Variants in ERBB4 observed in about 807,000 individuals in gnomAD.
ERBB4 encodes the protein erb-b2 receptor tyrosine kinase 4.
Under a neutral mutation model 158.0 loss-of-function variants are expected in ERBB4, and 42 were observed. That is an observed-to-expected ratio of 0.27 (90% CI 0.21 to 0.34). The LOEUF is 0.34. Ranked by LOEUF, ERBB4 falls within the 10% of genes least tolerant of loss-of-function variation. The pLI is 1.00. For synonymous variants in ERBB4, 583 were observed against 558.7 expected, an observed-to-expected ratio of 1.04 and a Z score of -0.61; for missense variants, 1,333 against 1,624.1, an observed-to-expected ratio of 0.82 and a Z score of 3.08.
intron 20 of ERBB4, among the ~76,000 whole-genome samples, chr2:211,442,595 TA>T (rs1439992163): frequency 6.6e-6 from 1 of 151,896 alleles, no homozygotes; most frequent in Non-Finnish European, 1.5e-5. Flanking sequence ...AGAGAGTAGA[TA>T]AAGCACAAAG....
intron 3 of ERBB4, among the ~76,000 whole-genome samples, chr2:211,800,606 G>A (rs1217144726): frequency 1.3e-5 from 2 of 148,264 alleles, no homozygotes; most frequent in Non-Finnish European, 3.0e-5. Flanking sequence ...TTATGGAGTT[G>A]AAAGGTAAAA....
chr2:212,416,166 G>A (rs185025719), intron 1 of ERBB4, among the ~76,000 whole-genome samples: 3 of 152,212 alleles, frequency 2.0e-5, no homozygotes, highest in Admixed American at 2.0e-4. Flanking sequence ...GCATCTTTCT[G>A]TACAAACTAA....
intron 4 of ERBB4, among the ~76,000 whole-genome samples, chr2:211,776,758 T>A (rs898746919): frequency 6.6e-6 from 1 of 152,206 alleles, no homozygotes; most frequent in Non-Finnish European, 1.5e-5. Context: ...GGATGACTCA[T>A]AATTTGAATA....
chr2:211,391,732 A>T (rs2062803556), intron 25 of ERBB4, among the ~76,000 whole-genome samples: 1 of 152,212 alleles, frequency 6.6e-6, no homozygotes, highest in South Asian at 2.1e-4. Flanking sequence ...AATGATAAAT[A>T]TTAGAACCTT....
chr2:212,038,922 G>A (rs993744191), intron 2 of ERBB4, among the ~76,000 whole-genome samples: 10 of 152,108 alleles, frequency 6.6e-5, no homozygotes, highest in African/African-American at 2.4e-4. Context: ...ATGTGTGTTT[G>A]TGAGTGTTTA....
At chr2:212,399,089 C>T (rs1227501513) in intron 1 of ERBB4, among the ~76,000 whole-genome samples, 1 of 151,848 alleles carries the variant, frequency 6.6e-6, no homozygotes, top group Non-Finnish European at 1.5e-5. Flanking sequence ...ACTAAAGATG[C>T]CCACCACCAC....
intron 9 of ERBB4, among the ~76,000 whole-genome samples, chr2:211,709,303 A>G (rs888903616): frequency 4.1e-5 from 6 of 145,700 alleles, no homozygotes; most frequent in African/African-American, 1.3e-4. Context: ...ATATATATAT[A>G]TGAGAGAGAG....
At chr2:211,398,045 A>G (rs2062957685) in intron 25 of ERBB4, among the ~76,000 whole-genome samples, 1 of 152,202 alleles carries the variant, frequency 6.6e-6, no homozygotes, top group Admixed American at 6.5e-5. Context: ...GATCTGTTTC[A>G]CAGCATTTCA....
At chr2:211,469,042 G>A (rs986589509) in intron 20 of ERBB4, among the ~76,000 whole-genome samples, 1 of 152,010 alleles carries the variant, frequency 6.6e-6, no homozygotes, top group Non-Finnish European at 1.5e-5. Flanking sequence ...GCTGCGTGCA[G>A]AAGTCTGGAA....
intron 1 of ERBB4, among the ~76,000 whole-genome samples, chr2:212,264,191 T>C (rs1046096380): frequency 2.0e-5 from 3 of 152,146 alleles, no homozygotes; most frequent in African/African-American, 7.2e-5. Flanking sequence ...AATATTTGCA[T>C]TCCTGTTAGC....
intron 1 of ERBB4, among the ~76,000 whole-genome samples, chr2:212,387,783 T>G (rs1227876443): frequency 6.6e-6 from 1 of 152,156 alleles, no homozygotes; most frequent in Non-Finnish European, 1.5e-5. Context: ...TGTGAGAGAA[T>G]TAAGTGTTAT....
chr2:211,900,480 GA>G (rs952124218), intron 3 of ERBB4, among the ~76,000 whole-genome samples: 4 of 149,450 alleles, frequency 2.7e-5, no homozygotes, highest in South Asian at 2.1e-4. Context: ...TACAAACCTA[GA>G]AAAAAAAAGG....
chr2:212,185,149 T>C (rs914411551), intron 1 of ERBB4, among the ~76,000 whole-genome samples: 1 of 151,836 alleles, frequency 6.6e-6, no homozygotes, highest in African/African-American at 2.4e-5. Flanking sequence ...GCCTCCCGAG[T>C]ATCTGGGATT....
At chr2:211,742,260 A>G (rs2074825365) in intron 5 of ERBB4, among the ~76,000 whole-genome samples, 1 of 152,216 alleles carries the variant, frequency 6.6e-6, no homozygotes, top group Non-Finnish European at 1.5e-5. Context: ...CATTTGTTCC[A>G]CAAAGAATGT....
chr2:211,393,472 TTTAGCATTTC>T (rs1374892091), intron 25 of ERBB4, among the ~76,000 whole-genome samples: 4 of 152,140 alleles, frequency 2.6e-5, no homozygotes, highest in Non-Finnish European at 5.9e-5. Context: ...AGATTTTGAC[TTTAGCATTTC>T]TATTCTTACT....
At chr2:212,401,668 A>C (rs980389753) in intron 1 of ERBB4, among the ~76,000 whole-genome samples, 7 of 152,138 alleles carry the variant, frequency 4.6e-5, no homozygotes, top group African/African-American at 1.7e-4. Context: ...TATGTTTATT[A>C]AACATGATGA....
intron 1 of ERBB4, among the ~76,000 whole-genome samples, chr2:212,280,105 A>T (rs2085695965): frequency 6.6e-6 from 1 of 151,642 alleles, no homozygotes; most frequent in African/African-American, 2.4e-5. Context: ...TGAAAAATAA[A>T]ATAAAATCCT....
At chr2:212,053,513 T>C (rs559753353) in intron 2 of ERBB4, among the ~76,000 whole-genome samples, 3 of 152,278 alleles carry the variant, frequency 2.0e-5, no homozygotes, top group Admixed American at 6.5e-5. Context: ...CTAGCCTTGC[T>C]CCTCTCATAT....
At chr2:212,353,416 AAAT>A (rs1198695123) in intron 1 of ERBB4, among the ~76,000 whole-genome samples, 2 of 149,282 alleles carry the variant, frequency 1.3e-5, no homozygotes, top group African/African-American at 4.9e-5. Flanking sequence ...AATTTGTATA[AAAT>A]ATTATATAAA....
Sources: gnomAD v4.1 joint callset for allele counts (sites outside exome capture counted in the v4.1 genomes callset) on GRCh38, gnomAD v4.1.1 for gene constraint, MANE v1.5 for transcripts, NCBI Gene and HGNC (gene_info 2026-07-23, HGNC 2026-07-21) for gene names.